Variants in GTF2B observed in about 807,000 individuals in gnomAD.
GTF2B encodes the protein transcription initiation factor IIB.
A neutral mutation model predicts 34.6 loss-of-function variants in GTF2B; 20 were observed. That is an observed-to-expected ratio of 0.58 (90% CI 0.41 to 0.84). The LOEUF is 0.84. Among genes scored for constraint, GTF2B ranks in the 40% least tolerant of loss-of-function variants. The probability of loss-of-function intolerance (pLI) is 0.00; values close to 1 mark genes in which losing one functional copy is unlikely to be tolerated. For missense variants in GTF2B, 237 were observed against 393.3 expected, an observed-to-expected ratio of 0.60 and a Z score of 3.36; for synonymous variants, 142 against 132.4, an observed-to-expected ratio of 1.07 and a Z score of -0.50.
At chr1:88,865,119 T>C (rs1404912488) in intron 2 of GTF2B, among the ~76,000 whole-genome samples, 1 of 152,202 alleles carries the variant, frequency 6.6e-6, no homozygotes, top group Non-Finnish European at 1.5e-5. Flanking sequence ...AATTAGAAGT[T>C]ACGGTACTAG....
At chr1:88,886,611 T>C (rs1674074490) in intron 2 of GTF2B, among the ~76,000 whole-genome samples, 1 of 152,240 alleles carries the variant, frequency 6.6e-6, no homozygotes, top group African/African-American at 2.4e-5. Flanking sequence ...AAAGTTTGAT[T>C]ACATGTATTC....
chr1:88,864,966 T>C (rs1216875534), intron 2 of GTF2B, among the ~76,000 whole-genome samples: 4 of 152,130 alleles, frequency 2.6e-5, no homozygotes, highest in Non-Finnish European at 5.9e-5. Context: ...CACATCAGAG[T>C]TTGTTCTACA....
chr1:88,872,958 T>C (rs1673732804), intron 2 of GTF2B, among the ~76,000 whole-genome samples: 1 of 152,198 alleles, frequency 6.6e-6, no homozygotes. Flanking sequence ...AGTTTTCTGC[T>C]AAGTCCATAG....
chr1:88,859,144 G>A (rs1673382812), intron 5 of GTF2B, among the ~76,000 whole-genome samples: 1 of 152,130 alleles, frequency 6.6e-6, no homozygotes, highest in Non-Finnish European at 1.5e-5. Context: ...GGGATTACAG[G>A]TGTGAGACAC....
intron 3 of GTF2B, among the ~76,000 whole-genome samples, chr1:88,861,749 C>CT (rs1553162386): frequency 6.6e-6 from 1 of 152,158 alleles, no homozygotes; most frequent in Non-Finnish European, 1.5e-5. Context: ...GGAGGGTTAC[C>CT]TAAGCCTGGG....
chr1:88,862,557 C>T (rs1673461442), intron 3 of GTF2B, among the ~76,000 whole-genome samples: 1 of 152,038 alleles, frequency 6.6e-6, no homozygotes, highest in Admixed American at 6.6e-5. Context: ...ACAAAACAGA[C>T]TATACAGGGT....
At chr1:88,871,795 A>G (rs567764624) in intron 2 of GTF2B, among the ~76,000 whole-genome samples, 1 of 152,174 alleles carries the variant, frequency 6.6e-6, no homozygotes, top group Non-Finnish European at 1.5e-5. Context: ...GCAATGGGGT[A>G]ATCTCAGCTC....
intron 2 of GTF2B, among the ~76,000 whole-genome samples, chr1:88,884,872 C>A (rs971237254): frequency 1.3e-5 from 2 of 152,208 alleles, no homozygotes; most frequent in African/African-American, 4.8e-5. Flanking sequence ...AAAAGCATGA[C>A]ATTCAAAGTT....
intron 2 of GTF2B, among the ~76,000 whole-genome samples, chr1:88,872,196 G>A (rs1570727968): frequency 6.6e-6 from 1 of 152,090 alleles, no homozygotes; most frequent in South Asian, 2.1e-4. Flanking sequence ...GCTCACGCCT[G>A]TAATCCTAGC....
chr1:88,855,767 A>G (rs113726658), intron 6 of GTF2B, among the ~76,000 whole-genome samples: 15,938 of 151,886 alleles, frequency 0.1, 2,051 homozygotes, highest in African/African-American at 0.31. Flanking sequence ...TGATTCTCCT[A>G]CTTCAGCCTC....
chr1:88,866,919 A>C (rs766383771), intron 2 of GTF2B, among the ~76,000 whole-genome samples: 10 of 152,214 alleles, frequency 6.6e-5, no homozygotes, highest in Admixed American at 3.9e-4. Flanking sequence ...GTGGCCCGAA[A>C]CAAGGAGAAA....
chr1:88,891,377 C>T (rs964363086), intron 1 of GTF2B, 106 bp downstream of exon 1: 1 of 788,860 alleles, frequency 1.3e-6, no homozygotes. Context: ...GCTTCTCTCC[C>T]ATACCCCTAG....
chr1:88,884,966 C>T (rs1040625084), intron 2 of GTF2B, among the ~76,000 whole-genome samples: 3 of 152,140 alleles, frequency 2.0e-5, no homozygotes, highest in Admixed American at 6.6e-5. Flanking sequence ...ACATATGTGG[C>T]GATCAACATG....
intron 1 of GTF2B, 120 bp from the exon 2 acceptor site, chr1:88,887,487 C>T (rs2100981933): frequency 1.5e-6 from 1 of 672,504 alleles, no homozygotes; most frequent in Non-Finnish European, 2.7e-6. Flanking sequence ...ACAACTGTAA[C>T]ACATATAAGC....
chr1:88,890,577 C>T (rs1444278007), intron 1 of GTF2B, among the ~76,000 whole-genome samples: 1 of 152,176 alleles, frequency 6.6e-6, no homozygotes, highest in South Asian at 2.1e-4. Context: ...GTGTGGATAA[C>T]AGGAAACAGG....
intron 3 of GTF2B, among the ~76,000 whole-genome samples, chr1:88,863,298 C>A (rs1185869730): frequency 2.0e-5 from 3 of 152,156 alleles, no homozygotes; most frequent in Admixed American, 2.0e-4. Context: ...AGAGGTTACA[C>A]TAACCTCCCA....
At chr1:88,858,495 G>C (rs1292589632) in intron 5 of GTF2B, among the ~76,000 whole-genome samples, 1 of 152,118 alleles carries the variant, frequency 6.6e-6, no homozygotes, top group Non-Finnish European at 1.5e-5. Flanking sequence ...TGAAATCCCT[G>C]CGATTATGGG....
Position 88,860,282 on chromosome 1 carries a change from G to A in GTF2B, c.263C>T (p.Thr88Ile). ...GDLSTMIGKG[T>I]GAASFDEFGN... ...AAATTCGTCAAAACTTGCAGCTCCT[G>A]TGCCCTATAAAACAGTTTTATAACT... The change falls in exon 4 of 7, where the codon ACA (threonine) becomes ATA (isoleucine). Residue 88 changes from threonine to isoleucine, a missense_variant. By Grantham distance (89) the Thr-to-Ile change is moderately conservative. Transcript: ENST00000370500. 1 of 1,612,420 alleles carries A rather than the reference G, an allele frequency of 6.2e-7. No homozygotes were observed. Among genetic ancestry groups the A allele is most frequent in the Non-Finnish European group, 8.5e-7 (1 of 1,179,410 alleles).
chr1:88,855,171 A>G (rs1673274571), intron 6 of GTF2B, among the ~76,000 whole-genome samples: 1 of 152,184 alleles, frequency 6.6e-6, no homozygotes, highest in African/African-American at 2.4e-5. Flanking sequence ...AAGACTCAAA[A>G]TTTCCTTAAA....
Sources: gnomAD v4.1 joint callset for allele counts (sites outside exome capture counted in the v4.1 genomes callset) on GRCh38, gnomAD v4.1.1 for gene constraint, MANE v1.5 for transcripts, NCBI Gene and HGNC (gene_info 2026-07-23, HGNC 2026-07-21) for gene names.